The following RALYL variants were observed in gnomAD, a reference collection of about 807,000 sequenced individuals.
The protein encoded by RALYL is RALY RNA binding protein like, also known as RNA-binding Raly-like protein.
In RALYL, 29 loss-of-function variants were observed where a neutral mutation model predicts 35.1. The ratio of observed to expected loss-of-function variants is 0.83; its 90% confidence interval spans 0.61 to 1.13. RALYL has a LOEUF of 1.13. Ranked by LOEUF, RALYL falls within the 50% of genes most tolerant of loss-of-function variation. The pLI is 0.00. For synonymous variants in RALYL, 120 were observed against 127.6 expected, an observed-to-expected ratio of 0.94 and a Z score of 0.40; for missense variants, 359 against 360.4, an observed-to-expected ratio of 1.00 and a Z score of 0.03.
At chr8:84,824,621 A>T (rs1829255639) in intron 4 of RALYL, among the ~76,000 whole-genome samples, 1 of 152,190 alleles carries the variant, frequency 6.6e-6, no homozygotes, top group Non-Finnish European at 1.5e-5. Context: ...CTACACTATA[A>T]GGCTACAATA....
intron 1 of RALYL, among the ~76,000 whole-genome samples, chr8:84,206,513 AT>A (rs1284138237): frequency 6.6e-6 from 1 of 152,218 alleles, no homozygotes; most frequent in East Asian, 1.9e-4. Flanking sequence ...TAAGGACTGA[AT>A]TAGTGCTAAA....
At chr8:84,425,394 C>A (rs13279202) in intron 1 of RALYL, among the ~76,000 whole-genome samples, 5,354 of 152,280 alleles carry the variant, frequency 0.035, 134 homozygotes, top group Non-Finnish European at 0.054. Flanking sequence ...GGCAATGCCT[C>A]GCCCTGCTTC....
At chr8:84,567,305 G>A (rs931512081) in intron 2 of RALYL, among the ~76,000 whole-genome samples, 3 of 151,690 alleles carry the variant, frequency 2.0e-5, no homozygotes, top group African/African-American at 7.3e-5. Flanking sequence ...GGCTTCCAGT[G>A]TACCCAAAAC....
intron 1 of RALYL, among the ~76,000 whole-genome samples, chr8:84,329,326 T>C (rs1303164275): frequency 6.6e-6 from 1 of 152,150 alleles, no homozygotes; most frequent in Non-Finnish European, 1.5e-5. Flanking sequence ...TATCTCATTG[T>C]GGTTTTGATT....
chr8:84,739,744 A>G (rs1847945197), intron 2 of RALYL, among the ~76,000 whole-genome samples: 1 of 151,972 alleles, frequency 6.6e-6, no homozygotes, highest in Admixed American at 6.6e-5. Flanking sequence ...ATCATTAATA[A>G]TAATGAAAGA....
chr8:84,355,502 T>C (rs1282257354), intron 1 of RALYL, among the ~76,000 whole-genome samples: 3 of 150,572 alleles, frequency 2.0e-5, no homozygotes, highest in Non-Finnish European at 4.4e-5. Flanking sequence ...GGATTGATCT[T>C]ATGTACCAGC....
rs1325474123 is a variant in RALYL, at chr8:84,617,266, C to A, written c.256+87689C>A. On this transcript the variant is annotated intron_variant, in intron 2 of 8. Transcript: ENST00000521268. ...ATTTGTTTGTATCCTCTTTTATTTC[C>A]TTGAGCAGTGGATTGTAGTTCTCCT... is the stretch of plus-strand genomic sequence containing the variant. Among the ~76,000 whole-genome samples the A allele has an allele frequency of 1.5e-4, 22 of 151,592 alleles. 1 individual carries two copies. Among genetic ancestry groups the A allele is most frequent in the Non-Finnish European group, 1.0e-4 (7 of 68,020 alleles).
intron 7 of RALYL, among the ~76,000 whole-genome samples, chr8:84,876,476 G>A (rs572017896): frequency 1.0e-3 from 156 of 152,230 alleles, no homozygotes; most frequent in Non-Finnish European, 1.9e-3. Context: ...TAAAAGAGCC[G>A]CATATAAGTT....
chr8:84,348,806 G>A (rs898941163), intron 1 of RALYL, among the ~76,000 whole-genome samples: 11 of 137,216 alleles, frequency 8.0e-5, no homozygotes, highest in Admixed American at 6.2e-4. Context: ...TGTTCGGGTG[G>A]TGTATGTGTG....
At chr8:84,550,109 A>G (rs2060616358) in intron 2 of RALYL, among the ~76,000 whole-genome samples, 1 of 151,852 alleles carries the variant, frequency 6.6e-6, no homozygotes, top group Non-Finnish European at 1.5e-5. Flanking sequence ...CTTTTCCTTC[A>G]TTTCCATGTT....
chr8:84,468,702 C>T (rs1447122007), intron 1 of RALYL, among the ~76,000 whole-genome samples: 32 of 150,484 alleles, frequency 2.1e-4, no homozygotes, highest in South Asian at 1.9e-3. Flanking sequence ...CCTTGCTAGA[C>T]TGGGGAAGTT....
intron 4 of RALYL, among the ~76,000 whole-genome samples, chr8:84,806,283 C>T (rs1013135067): frequency 1.3e-5 from 2 of 152,142 alleles, no homozygotes; most frequent in Non-Finnish European, 2.9e-5. Flanking sequence ...TTTTTCCCTA[C>T]ATTGATCATC....
At chr8:84,474,901 G>A (rs1404865805) in intron 1 of RALYL, among the ~76,000 whole-genome samples, 1 of 121,184 alleles carries the variant, frequency 8.3e-6, no homozygotes, top group Non-Finnish European at 1.6e-5. Flanking sequence ...ACCCTTTTTG[G>A]TTTGTTTGTT....
At chr8:84,452,228 T>C (rs114733858) in intron 1 of RALYL, among the ~76,000 whole-genome samples, 2 of 137,472 alleles carry the variant, frequency 1.5e-5, no homozygotes, top group African/African-American at 5.5e-5. Flanking sequence ...TTGTTGTTGA[T>C]ACTACTTTTT....
At chr8:84,404,885 C>A (rs1339010346) in intron 1 of RALYL, among the ~76,000 whole-genome samples, 1 of 152,116 alleles carries the variant, frequency 6.6e-6, no homozygotes, top group Non-Finnish European at 1.5e-5. Context: ...TTATAGAACT[C>A]TCCACCCCAA....
chr8:84,612,841 T>C (rs1818613393), intron 2 of RALYL, among the ~76,000 whole-genome samples: 1 of 151,714 alleles, frequency 6.6e-6, no homozygotes, highest in Non-Finnish European at 1.5e-5. Context: ...ATGTTATTTT[T>C]AAATGCATGT....
chr8:84,473,360 A>C (rs2053024953), intron 1 of RALYL, among the ~76,000 whole-genome samples: 1 of 150,962 alleles, frequency 6.6e-6, no homozygotes, highest in African/African-American at 2.4e-5. Context: ...TTAATATTTA[A>C]TTTAATATTA....
chr8:84,730,683 C>T (rs1321898239), intron 2 of RALYL, among the ~76,000 whole-genome samples: 1 of 152,054 alleles, frequency 6.6e-6, no homozygotes, highest in Non-Finnish European at 1.5e-5. Context: ...TTCCACTTAC[C>T]ATGAATGAGG....
chr8:84,652,988 G>A (rs1422733862), intron 2 of RALYL, among the ~76,000 whole-genome samples: 1 of 151,994 alleles, frequency 6.6e-6, no homozygotes, highest in Non-Finnish European at 1.5e-5. Context: ...AGAGAACTTG[G>A]ACATCTATTC....
Sources: gnomAD v4.1 joint callset for allele counts (sites outside exome capture counted in the v4.1 genomes callset) on GRCh38, gnomAD v4.1.1 for gene constraint, MANE v1.5 for transcripts, NCBI Gene and HGNC (gene_info 2026-07-23, HGNC 2026-07-21) for gene names.